RERG: variants seen among roughly 807,000 people sequenced by gnomAD.
The protein encoded by RERG is ras-related and estrogen-regulated growth inhibitor.
In RERG, 25 loss-of-function variants were observed where a neutral mutation model predicts 23.2. The observed-to-expected ratio is 1.08, with a 90% CI of 0.79 to 1.50. RERG has a LOEUF of 1.50. RERG is among the 40% of genes most tolerant of loss of function. RERG has a pLI of 0.00. For synonymous variants in RERG, 81 were observed against 89.1 expected, an observed-to-expected ratio of 0.91 and a Z score of 0.51; for missense variants, 253 against 250.1, an observed-to-expected ratio of 1.01 and a Z score of -0.08.
At chr12:15,128,358 G>A (rs1316632646) in intron 2 of RERG, among the ~76,000 whole-genome samples, 1 of 152,138 alleles carries the variant, frequency 6.6e-6, no homozygotes, top group African/African-American at 2.4e-5. Flanking sequence ...AGATGTAGGC[G>A]ATGAAGCAGT....
intron 2 of RERG, among the ~76,000 whole-genome samples, chr12:15,212,041 A>AT (rs1565539269): frequency 2.2e-5 from 2 of 92,544 alleles, no homozygotes; most frequent in African/African-American, 7.3e-5. Context: ...CCACGAATAA[A>AT]CTTTTTTTTT....
At chr12:15,149,133 T>G (rs1864394224) in intron 2 of RERG, among the ~76,000 whole-genome samples, 1 of 151,976 alleles carries the variant, frequency 6.6e-6, no homozygotes, top group African/African-American at 2.4e-5. Flanking sequence ...TTTCCCAAAG[T>G]GCTGGGATTA....
chr12:15,175,854 G>A (rs1228813965), intron 2 of RERG, among the ~76,000 whole-genome samples: 2 of 152,120 alleles, frequency 1.3e-5, no homozygotes, highest in East Asian at 3.9e-4. Context: ...CCCGCCAGTG[G>A]CTGCATGGCT....
At chr12:15,145,186 A>AG (rs1864310483) in intron 2 of RERG, among the ~76,000 whole-genome samples, 1 of 152,110 alleles carries the variant, frequency 6.6e-6, no homozygotes, top group Admixed American at 6.5e-5. Context: ...CCCCATTCTC[A>AG]GAGGCCTGAG....
chr12:15,108,516 C>A lies in RERG; in HGVS notation c.*594G>T, dbSNP rs1166902576. On this transcript the variant is annotated 3_prime_UTR_variant, in exon 5 of 5. Coordinates refer to ENST00000256953, the MANE Select transcript of RERG (RefSeq NM_032918.3). ...ATGATCAATAGATCATTGAGAGAACCAACTCAAATTGAAATGAATTCTCTG... is the reference window on the plus strand; with the variant it reads ...ATGATCAATAGATCATTGAGAGAACAAACTCAAATTGAAATGAATTCTCTG... 1 of 152,474 alleles carries A rather than the reference C, an allele frequency of 6.6e-6. No homozygotes were observed. Among genetic ancestry groups the A allele is most frequent in the Non-Finnish European group, 1.5e-5 (1 of 68,004 alleles). 9.4% of individuals were successfully genotyped at this position (152,474 alleles called of 1,614,324 possible).
Position 15,110,463 on chromosome 12 carries a change from C to CTTTTTTTTTTTTT in RERG, c.192+868_192+880dup, listed in dbSNP as rs869218147. Among the ~76,000 whole-genome samples the CTTTTTTTTTTTTT allele has an allele frequency of 1.5e-3, 110 of 73,146 alleles. 29 individuals are homozygous for CTTTTTTTTTTTTT. The highest frequency in any genetic ancestry group is 5.0e-3 in the South Asian group (8 of 1,610). 48.0% of individuals were successfully genotyped at this position (73,146 alleles called of 152,430 possible). A position where few individuals can be genotyped will look rare whatever the true frequency, so the allele number is the denominator to read the frequency against. On this transcript the variant is annotated intron_variant, in intron 4 of 4. Coordinates refer to ENST00000256953, the MANE Select transcript of RERG (RefSeq NM_032918.3). ...CTGTCATTCCAGTGGCCATTTTTTT[C>CTTTTTTTTTTTTT]TTTTTTTTTTTTTTTTTTTTTTTTT...
intron 2 of RERG, among the ~76,000 whole-genome samples, chr12:15,154,553 C>T (rs1049841322): frequency 6.6e-6 from 1 of 152,102 alleles, no homozygotes; most frequent in African/African-American, 2.4e-5. Context: ...GCTAAAGTAA[C>T]CTGATTAATG....
At chr12:15,206,424 A>G (rs961761137) in intron 2 of RERG, among the ~76,000 whole-genome samples, 1 of 152,172 alleles carries the variant, frequency 6.6e-6, no homozygotes, top group East Asian at 1.9e-4. Context: ...GCAGCTCACA[A>G]AAAGCTATAT....
chr12:15,209,495 A>T (rs1865337834), intron 2 of RERG, among the ~76,000 whole-genome samples: 1 of 151,966 alleles, frequency 6.6e-6, no homozygotes, highest in Non-Finnish European at 1.5e-5. Context: ...TCTTTAGCAA[A>T]AGATGATTCA....
At chr12:15,144,666 C>T (rs1411442666) in intron 2 of RERG, among the ~76,000 whole-genome samples, 1 of 152,062 alleles carries the variant, frequency 6.6e-6, no homozygotes, top group Non-Finnish European at 1.5e-5. Flanking sequence ...ATGGAGTGGG[C>T]TTAAGAGAAT....
At chr12:15,190,704 A>C (rs747024464) in intron 2 of RERG, among the ~76,000 whole-genome samples, 2 of 152,220 alleles carry the variant, frequency 1.3e-5, no homozygotes, top group Non-Finnish European at 2.9e-5. Flanking sequence ...TGGGAAATAC[A>C]AAAGAAGGAA....
At chr12:15,211,719 G>A (rs1331123121) in intron 2 of RERG, among the ~76,000 whole-genome samples, 1 of 152,036 alleles carries the variant, frequency 6.6e-6, no homozygotes, top group Non-Finnish European at 1.5e-5. Context: ...TTGAGGGGAT[G>A]GACATGCTAA....
intron 2 of RERG, among the ~76,000 whole-genome samples, chr12:15,162,104 G>T (rs1591653592): frequency 6.6e-6 from 1 of 152,140 alleles, no homozygotes; most frequent in Non-Finnish European, 1.5e-5. Flanking sequence ...TGAGACTACT[G>T]CCTTAATCAA....
intron 2 of RERG, among the ~76,000 whole-genome samples, chr12:15,194,251 A>C (rs1334601584): frequency 6.6e-6 from 1 of 152,136 alleles, no homozygotes; most frequent in African/African-American, 2.4e-5. Flanking sequence ...GGTTTCCTTC[A>C]ACAGCACATT....
At chr12:15,205,716 C>T (rs138818210) in intron 2 of RERG, among the ~76,000 whole-genome samples, 14 of 151,970 alleles carry the variant, frequency 9.2e-5, no homozygotes, top group African/African-American at 3.4e-4. Context: ...AAATTACTGT[C>T]CAATGGCACA....
intron 2 of RERG, among the ~76,000 whole-genome samples, chr12:15,190,195 A>G (rs1407844071): frequency 6.6e-6 from 1 of 152,160 alleles, no homozygotes; most frequent in Non-Finnish European, 1.5e-5. Context: ...TTGGGCCTAC[A>G]ACAGGTCCTC....
At chr12:15,195,316 T>C (rs1290675199) in intron 2 of RERG, among the ~76,000 whole-genome samples, 2 of 152,044 alleles carry the variant, frequency 1.3e-5, no homozygotes, top group African/African-American at 4.8e-5. Flanking sequence ...CCATCCTGCC[T>C]CCCCTTTCCA....
chr12:15,163,463 G>A (rs777269222), intron 2 of RERG, among the ~76,000 whole-genome samples: 4 of 152,222 alleles, frequency 2.6e-5, no homozygotes, highest in Non-Finnish European at 5.9e-5. Context: ...TTCCAGTAGC[G>A]GATAAGACAT....
chr12:15,154,548 A>G (rs1349500647), intron 2 of RERG, among the ~76,000 whole-genome samples: 8 of 152,234 alleles, frequency 5.3e-5, no homozygotes, highest in African/African-American at 1.9e-4. Flanking sequence ...AAATAGCTAA[A>G]GTAACCTGAT....
Sources: gnomAD v4.1 joint callset for allele counts (sites outside exome capture counted in the v4.1 genomes callset) on GRCh38, gnomAD v4.1.1 for gene constraint, MANE v1.5 for transcripts, NCBI Gene and HGNC (gene_info 2026-07-23, HGNC 2026-07-21) for gene names.